The following SLC20A1 variants were observed in gnomAD, a reference collection of about 807,000 sequenced individuals.
SLC20A1 encodes the protein solute carrier family 20 member 1, also known as sodium-dependent phosphate transporter 1.
In SLC20A1, 28 loss-of-function variants were observed where a neutral mutation model predicts 62.7. That is an observed-to-expected ratio of 0.45 (90% CI 0.33 to 0.61). SLC20A1 has a LOEUF of 0.61. Ranked by LOEUF, SLC20A1 falls within the 20% of genes least tolerant of loss-of-function variation. The probability of loss-of-function intolerance (pLI) is 0.02; values close to 1 mark genes in which losing one functional copy is unlikely to be tolerated. For missense variants in SLC20A1, 673 were observed against 838.6 expected (o/e 0.80, Z 2.44); for synonymous variants, 305 against 302.9 (o/e 1.01, Z -0.07).
chr2:112,651,848 C>T, intron 4 of SLC20A1: 1 of 152,356 alleles, frequency 6.6e-6, no homozygotes, highest in Non-Finnish European at 1.5e-5. Flanking sequence ...TTTGCATTTG[C>T]TGATATCTCT....
intron 10 of SLC20A1, among the ~76,000 whole-genome samples, chr2:112,662,037 A>G (rs1686763217): frequency 2.0e-5 from 3 of 152,196 alleles, no homozygotes; most frequent in South Asian, 4.1e-4. Context: ...TACAGAAGGC[A>G]TATTTCAGGG....
chr2:112,650,251 A>T (rs1304984040), intron 4 of SLC20A1, among the ~76,000 whole-genome samples: 2 of 152,022 alleles, frequency 1.3e-5, no homozygotes, highest in Non-Finnish European at 2.9e-5. Context: ...ATCTTTGAAA[A>T]TCTATTGAGA....
intron 10 of SLC20A1, among the ~76,000 whole-genome samples, 191 bp downstream of exon 10, chr2:112,661,417 G>A (rs1686745040): frequency 6.6e-6 from 1 of 152,008 alleles, no homozygotes; most frequent in Non-Finnish European, 1.5e-5. Context: ...TAGAAACATT[G>A]TTTTATATAC....
Position 112,658,900 on chromosome 2 carries a change from C to CA in SLC20A1, c.857dup (p.Leu287ValfsTer5). The stretch of plus-strand genomic sequence containing the variant: ...AGCTTGAAAGAAGACCATGAAGAAA[C>CA]AAAGTTGTCTGTTGGTGATATTGAA... On this transcript the variant is annotated frameshift_variant, in exon 7 of 11. Coordinates refer to ENST00000272542, the MANE Select transcript of SLC20A1 (RefSeq NM_005415.5). LOFTEE classifies it high-confidence loss of function. 1 of 1,614,002 alleles carries CA rather than the reference C, an allele frequency of 6.2e-7. No individual in the cohort carries two copies. Among genetic ancestry groups the CA allele is most frequent in the Non-Finnish European group, 8.5e-7 (1 of 1,179,986 alleles).
chr2:112,650,447 C>T (rs934099886), intron 4 of SLC20A1, among the ~76,000 whole-genome samples: 2 of 151,960 alleles, frequency 1.3e-5, no homozygotes, highest in Admixed American at 6.6e-5. Flanking sequence ...ATTCTCCTGC[C>T]TCAGCCTCCT....
intron 5 of SLC20A1, among the ~76,000 whole-genome samples, chr2:112,655,320 G>C (rs893708280): frequency 6.6e-6 from 1 of 151,868 alleles, no homozygotes; most frequent in African/African-American, 2.4e-5. Context: ...AGAATTTCCA[G>C]TTTATAAGTA....
At chr2:112,656,905 TG>T in intron 5 of SLC20A1, 1 of 573,312 alleles carries the variant, frequency 1.7e-6, no homozygotes, top group Non-Finnish European at 3.2e-6. Context: ...GGTGTTCAAG[TG>T]GGCTAGGCTG....
Position 112,657,219 on chromosome 2 carries a change from C to T in SLC20A1, c.756C>T (p.Pro252=). The change falls in exon 6 of 11, where the codon CCC becomes CCT. Residue 252 remains proline, a synonymous_variant. Transcript: ENST00000272542. The stretch of plus-strand genomic sequence containing the variant: ...TTATCGTCTGGTTCTTTGTATGTCC[C>T]AGGATGAAGAGAAAAATTGAACGTA... ...CALIVWFFVC[P]RMKRKIEREI... is the part of the protein sequence containing the mutation. 21 of 1,613,658 alleles carry T rather than the reference C, an allele frequency of 1.3e-5. No homozygotes were observed. Among genetic ancestry groups the T allele is most frequent in the Non-Finnish European group, 1.6e-5 (19 of 1,179,904 alleles).
chr2:112,659,300 A>G lies in SLC20A1; in HGVS notation c.1145A>G (p.His382Arg), dbSNP rs917601016. 1 of 1,614,246 alleles carries G rather than the reference A, an allele frequency of 6.2e-7. No individual in the cohort carries two copies. Among genetic ancestry groups the G allele is most frequent in the Non-Finnish European group, 8.5e-7 (1 of 1,180,054 alleles). The change falls in exon 8 of 11, where the codon CAT (histidine) becomes CGT (arginine). Residue 382 changes from histidine to arginine, a missense_variant. His to Arg is a conservative substitution (Grantham distance 29). Transcript: ENST00000272542. ...GGCCACTACCAGTATCACACCGTGC[A>G]TAAGGATTCCGGCCTGTACAAAGAG... The part of the protein sequence containing the change: ...SSGHYQYHTV[H>R]KDSGLYKELL...
At position 112,662,738 on chromosome 2, in the gene SLC20A1, C is replaced by T. The variant is rs970316993; in HGVS notation, c.1879-126C>T. The T allele has an allele frequency of 8.0e-6, 7 of 877,796 alleles. No individual in the cohort carries two copies. In the African/African-American group the frequency reaches 1.0e-4, roughly 13 times the overall value. The allele number at this position is 877,796 out of a possible 1,614,324, so 54.4% of individuals were successfully genotyped here. A position where few individuals can be genotyped will look rare whatever the true frequency, so the allele number is the denominator to read the frequency against. On this transcript the variant is annotated intron_variant, in intron 10 of 10. Transcript: ENST00000272542. ...TTTCCCAGCTTAACCTGTTGTAAACCAGCTTTCTTGGACTTTGTCTTGTCC... is the reference window on the plus strand; with the variant it reads ...TTTCCCAGCTTAACCTGTTGTAAACTAGCTTTCTTGGACTTTGTCTTGTCC...
chr2:112,652,670 T>C (rs1354140562), intron 4 of SLC20A1, 32 bp from the exon 5 acceptor site: 3 of 1,537,390 alleles, frequency 2.0e-6, no homozygotes, highest in Non-Finnish European at 2.7e-6. Flanking sequence ...CTTTATACCT[T>C]TTAAGATATT....
At chr2:112,649,696 A>C (rs1184131609) in intron 4 of SLC20A1, among the ~76,000 whole-genome samples, 2 of 152,262 alleles carry the variant, frequency 1.3e-5, no homozygotes, top group African/African-American at 4.8e-5. Flanking sequence ...GGCATCGCAC[A>C]GAAGGAATAT....
chr2:112,647,119 G>A lies in SLC20A1; in HGVS notation c.291G>A (p.Ser97=). 6.2e-7 allele frequency: 1 copy of A among 1,614,066 alleles called. No individual in the cohort carries two copies. The highest frequency in any genetic ancestry group is 1.1e-5 in the South Asian group (1 of 91,060). ...TGATTGACGTGGAGATGTACAACTC[G>A]ACTCAAGGGCTGCTGATGGCCGGCT... is the stretch of plus-strand genomic sequence containing the variant. The part of the protein sequence containing the change: ...KGLIDVEMYN[S]TQGLLMAGSV... The change falls in exon 2 of 11, where the codon TCG becomes TCA. Residue 97 remains serine, a synonymous_variant. Coordinates refer to ENST00000272542, the MANE Select transcript of SLC20A1 (RefSeq NM_005415.5).
At chr2:112,651,624 T>G (rs190727821) in intron 4 of SLC20A1, among the ~76,000 whole-genome samples, 1 of 152,224 alleles carries the variant, frequency 6.6e-6, no homozygotes, top group Non-Finnish European at 1.5e-5. Context: ...CCCAGGATGG[T>G]CTCGATCTCC....
intron 5 of SLC20A1, among the ~76,000 whole-genome samples, chr2:112,654,047 C>T (rs961393461): frequency 6.6e-6 from 1 of 152,158 alleles, no homozygotes; most frequent in African/African-American, 2.4e-5. Context: ...CTGCCTCAGC[C>T]TCCCAAAGTG....
Position 112,657,010 on chromosome 2 carries a change from CAG to C in SLC20A1, c.659-111_659-110del, listed in dbSNP as rs749693461. The stretch of plus-strand genomic sequence containing the variant: ...TGCACTTAAATCTGGCAGCAGCTGT[CAG>C]GGGTGATGGGCTGGTATGGGGAACC... On this transcript the variant is annotated intron_variant, in intron 5 of 10. Coordinates refer to ENST00000272542, the MANE Select transcript of SLC20A1 (RefSeq NM_005415.5). 12 of 1,245,618 alleles carry C rather than the reference CAG, an allele frequency of 9.6e-6. No homozygotes were observed. The African/African-American group carries it at 1.8e-4, about 18-fold the overall frequency. 77.2% of individuals were successfully genotyped at this position (1,245,618 alleles called of 1,614,324 possible).
intron 4 of SLC20A1, among the ~76,000 whole-genome samples, chr2:112,650,500 T>A (rs942588810): frequency 4.7e-5 from 7 of 150,250 alleles, no homozygotes; most frequent in Non-Finnish European, 8.9e-5. Context: ...GGCTAGTATT[T>A]TTGTATTTTT....
In SLC20A1 at chr2:112,659,111, G is replaced by C. The variant is rs766913717; in HGVS notation, c.1048+17G>C. The C allele has an allele frequency of 6.2e-7, 1 of 1,609,854 alleles. No homozygotes were observed. The highest frequency in any genetic ancestry group is 8.5e-7 in the Non-Finnish European group (1 of 1,177,380). ...CCGTGAATGGTGAGTTGGAATTCCT[G>C]GTTTCACTTTTGTTACCTGCAGTGG... On this transcript the variant is annotated intron_variant, in intron 7 of 10. Transcript: ENST00000272542.
At chr2:112,654,103 T>G (rs1297679795) in intron 5 of SLC20A1, among the ~76,000 whole-genome samples, 1 of 152,230 alleles carries the variant, frequency 6.6e-6, no homozygotes, top group African/African-American at 2.4e-5. Context: ...TATTTTAATT[T>G]TTTACCTTAT....
Sources: gnomAD v4.1 joint callset for allele counts (sites outside exome capture counted in the v4.1 genomes callset) on GRCh38, gnomAD v4.1.1 for gene constraint, MANE v1.5 for transcripts, NCBI Gene and HGNC (gene_info 2026-07-23, HGNC 2026-07-21) for gene names.